Variants in PAIP2 observed in about 807,000 individuals in gnomAD.
PAIP2 encodes the protein poly(A) binding protein interacting protein 2.
A neutral mutation model predicts 14.8 loss-of-function variants in PAIP2; 7 were observed. The observed-to-expected ratio is 0.47, with a 90% CI of 0.27 to 0.89. PAIP2 has a LOEUF of 0.89. Among genes scored for constraint, PAIP2 ranks in the 40% least tolerant of loss-of-function variants. The probability of loss-of-function intolerance (pLI) is 0.13; values close to 1 mark genes in which losing one functional copy is unlikely to be tolerated. For synonymous variants in PAIP2, 47 were observed against 45.3 expected (o/e 1.04, Z -0.15); for missense variants, 122 against 154.7 (o/e 0.79, Z 1.12).
intron 1 of PAIP2, among the ~76,000 whole-genome samples, chr5:139,358,139 G>A (rs1363876813): frequency 6.6e-6 from 1 of 152,160 alleles, no homozygotes; most frequent in Non-Finnish European, 1.5e-5. Context: ...CTGGGCCCTG[G>A]TGCATGTTTT....
chr5:139,343,223 A>G (rs1756435916), intron 1 of PAIP2: 1 of 152,236 alleles, frequency 6.6e-6, no homozygotes, highest in Non-Finnish European at 1.5e-5. Context: ...TAGTCTGTTT[A>G]TACTACTTGT....
In PAIP2 at chr5:139,369,062, C is replaced by T; in HGVS notation, c.*264C>T. ...GCACCAGTCAAGTTGTGAACAAGCA[C>T]CAAATTAAAAGACCTAAACCTTACC... On this transcript the variant is annotated 3_prime_UTR_variant, in exon 4 of 4. Coordinates refer to ENST00000265192, the MANE Select transcript of PAIP2 (RefSeq NM_016480.5). 3.0e-6 allele frequency: 1 copy of T among 334,612 alleles called. No individual in the cohort carries two copies. The highest frequency in any genetic ancestry group is 5.2e-5 in the East Asian group (1 of 19,064). 20.7% of individuals were successfully genotyped at this position (334,612 alleles called of 1,614,324 possible). A position where few individuals can be genotyped will look rare whatever the true frequency, so the allele number is the denominator to read the frequency against.
chr5:139,342,295 C>T (rs886470054), intron 1 of PAIP2: 1 of 152,172 alleles, frequency 6.6e-6, no homozygotes, highest in Non-Finnish European at 1.5e-5. Flanking sequence ...TCCTCATTCT[C>T]CCGGTCCTTT....
At chr5:139,348,447 CG>C (rs1561957385) in intron 1 of PAIP2, among the ~76,000 whole-genome samples, 1 of 151,844 alleles carries the variant, frequency 6.6e-6, no homozygotes, top group Non-Finnish European at 1.5e-5. Context: ...CTCTGCCTCC[CG>C]GGTTCACGCC....
At chr5:139,353,788 C>T (rs1011707934) in intron 1 of PAIP2, among the ~76,000 whole-genome samples, 3 of 151,152 alleles carry the variant, frequency 2.0e-5, no homozygotes, top group African/African-American at 2.4e-5. Flanking sequence ...GGCGCTGTCT[C>T]GACTCACTGT....
intron 1 of PAIP2, among the ~76,000 whole-genome samples, chr5:139,348,678 C>CTTTT (rs761015051): frequency 2.8e-3 from 355 of 127,556 alleles, no homozygotes; most frequent in African/African-American, 9.7e-3. Context: ...ATCTTTGTAT[C>CTTTT]TTTTTTTTTT....
At chr5:139,344,963 G>C (rs1043699093) in intron 1 of PAIP2, among the ~76,000 whole-genome samples, 2 of 152,066 alleles carry the variant, frequency 1.3e-5, no homozygotes. Context: ...TGAGGAAACC[G>C]AGACTCAGGT....
chr5:139,362,570 C>T (rs1265252454), intron 1 of PAIP2, among the ~76,000 whole-genome samples: 1 of 152,004 alleles, frequency 6.6e-6, no homozygotes, highest in Admixed American at 6.6e-5. Context: ...GCCACCACGC[C>T]CGGCTAATTT....
At chr5:139,347,520 C>T (rs1338939589) in intron 1 of PAIP2, among the ~76,000 whole-genome samples, 1 of 151,990 alleles carries the variant, frequency 6.6e-6, no homozygotes, top group African/African-American at 2.4e-5. Context: ...ATGATCCACC[C>T]ACCTTGGCCT....
Position 139,364,676 on chromosome 5 carries a change from T to C in PAIP2, c.251T>C (p.Met84Thr). 1.2e-6 allele frequency: 2 copies of C among 1,613,054 alleles called. No homozygotes were observed. Among genetic ancestry groups the C allele is most frequent in the South Asian group, 2.2e-5 (2 of 91,048 alleles). Reference protein sequence around the residue: ...FIPARDLPQTMDQIQDQFNDL... With the variant: ...FIPARDLPQTTDQIQDQFNDL... Reference sequence around the variant, plus strand: ...CCAGCTCGAGATCTCCCACAAACTATGGACCAAATCCAAGACCAGTTTAAT... The same window carrying C: ...CCAGCTCGAGATCTCCCACAAACTACGGACCAAATCCAAGACCAGTTTAAT... Residue 84 changes from methionine to threonine, a missense_variant, in exon 3 of 4, where the codon ATG (methionine) becomes ACG (threonine). Met to Thr is a moderately conservative substitution (Grantham distance 81, BLOSUM62 -1). Around this residue, in one of 3 missense-constraint regions of PAIP2, gnomAD observed 34 missense variants for 74.0 expected, o/e 0.46. Coordinates refer to ENST00000265192, the MANE Select transcript of PAIP2 (RefSeq NM_016480.5).
At chr5:139,357,385 G>A (rs1001670560) in intron 1 of PAIP2, among the ~76,000 whole-genome samples, 7 of 152,120 alleles carry the variant, frequency 4.6e-5, no homozygotes, top group African/African-American at 1.7e-4. Context: ...GCTTTTTACT[G>A]TGTTGATTGT....
At chr5:139,348,419 G>A (rs1273016083) in intron 1 of PAIP2, among the ~76,000 whole-genome samples, 1 of 151,026 alleles carries the variant, frequency 6.6e-6, no homozygotes, top group Non-Finnish European at 1.5e-5. Context: ...CAGTGGCGTA[G>A]TCTCAGCTGA....
rs1011694228 is a variant in PAIP2, at chr5:139,341,907, G to C, written c.-100G>C. On this transcript the variant is annotated 5_prime_UTR_variant, in exon 1 of 4. Coordinates refer to ENST00000265192, the MANE Select transcript of PAIP2 (RefSeq NM_016480.5). ...CGGGCGAAGCGCACGTCGAGCGGGG[G>C]AGCGGCGCTGCCTGTGGAGATCCGC... The C allele has an allele frequency of 6.5e-6, 1 of 152,966 alleles. No individual in the cohort carries two copies. Among genetic ancestry groups the C allele is most frequent in the East Asian group, 1.9e-4 (1 of 5,200 alleles). The allele number at this position is 152,966 out of a possible 1,614,324, so 9.5% of individuals were successfully genotyped here.
intron 1 of PAIP2, among the ~76,000 whole-genome samples, chr5:139,354,256 A>G (rs1756840399): frequency 6.6e-6 from 1 of 152,036 alleles, no homozygotes; most frequent in Non-Finnish European, 1.5e-5. Flanking sequence ...GCAGTGACTT[A>G]ATTTCTCCTT....
intron 1 of PAIP2, among the ~76,000 whole-genome samples, chr5:139,349,839 T>TA (rs1397114675): frequency 6.6e-6 from 1 of 151,824 alleles, no homozygotes; most frequent in African/African-American, 2.4e-5. Flanking sequence ...CCGTTTCTAC[T>TA]AAAAATACAA....
chr5:139,364,493 CA>C, intron 2 of PAIP2, 70 bp from the exon 3 acceptor site: 1 of 895,116 alleles, frequency 1.1e-6, no homozygotes. Context: ...TGGTTTAGTT[CA>C]AGATATTTTA....
intron 1 of PAIP2, among the ~76,000 whole-genome samples, chr5:139,352,390 A>G (rs960782636): frequency 2.0e-5 from 3 of 151,722 alleles, no homozygotes; most frequent in East Asian, 3.8e-4. Context: ...ATATTTTCTG[A>G]CAGTTTTAGG....
At chr5:139,368,161 C>G (rs1035153922) in intron 3 of PAIP2, among the ~76,000 whole-genome samples, 1 of 152,122 alleles carries the variant, frequency 6.6e-6, no homozygotes, top group Admixed American at 6.5e-5. Flanking sequence ...TGGTGAAACC[C>G]CGTCTTTACT....
At chr5:139,344,338 C>A (rs1756473072) in intron 1 of PAIP2, among the ~76,000 whole-genome samples, 1 of 152,212 alleles carries the variant, frequency 6.6e-6, no homozygotes, top group Non-Finnish European at 1.5e-5. Context: ...CCTACGTCTT[C>A]TGACTGTGGT....
Sources: gnomAD v4.1 joint callset for allele counts (sites outside exome capture counted in the v4.1 genomes callset) on GRCh38, gnomAD v4.1.1 for gene constraint, gnomAD v4.1.1 regional missense constraint, MANE v1.5 for transcripts, NCBI Gene and HGNC (gene_info 2026-07-23, HGNC 2026-07-21) for gene names.